Variants in TUBA3C observed in about 807,000 individuals in gnomAD.
TUBA3C encodes tubulin alpha 3c.
In TUBA3C, 23 loss-of-function variants were observed where a neutral mutation model predicts 33.4. The ratio of observed to expected loss-of-function variants is 0.69; its 90% CI spans 0.50 to 0.98. The LOEUF (loss-of-function observed/expected upper bound fraction) is 0.98. Ranked by LOEUF, TUBA3C falls within the 50% of genes least tolerant of loss-of-function variation. TUBA3C has a pLI of 0.00. For synonymous variants in TUBA3C, 269 were observed against 250.4 expected, an observed-to-expected ratio of 1.07 and a Z score of -0.70; for missense variants, 402 against 616.0, an observed-to-expected ratio of 0.65 and a Z score of 3.68.
At chr13:19,175,993 C>T (rs1462665805) in intron 4 of TUBA3C, among the ~76,000 whole-genome samples, 1 of 152,212 alleles carries the variant, frequency 6.6e-6, no homozygotes, top group Non-Finnish European at 1.5e-5. Context: ...ATCCGCCTGC[C>T]TTGGCCTCCC....
At position 19,181,802 on chromosome 13, in the gene TUBA3C, T is replaced by G. The variant is rs1439035195; in HGVS notation, c.-55A>C. The G allele has an allele frequency of 6.3e-7, 1 of 1,596,450 alleles. No homozygotes were observed. Among genetic ancestry groups the G allele is most frequent in the African/African-American group, 1.3e-5 (1 of 74,874 alleles). On this transcript the variant is annotated 5_prime_UTR_variant, in exon 1 of 5. Coordinates refer to ENST00000400113, the MANE Select transcript of TUBA3C (RefSeq NM_006001.3). Reference sequence around the variant, plus strand: ...GCTACTACTTGACCTCAACCGCCGCTGCAGCTGCGCACGCCCAACGACAGC... The same window carrying G: ...GCTACTACTTGACCTCAACCGCCGCGGCAGCTGCGCACGCCCAACGACAGC...
intron 4 of TUBA3C, among the ~76,000 whole-genome samples, chr13:19,175,414 G>C (rs969036959): frequency 6.6e-6 from 1 of 152,188 alleles, no homozygotes; most frequent in African/African-American, 2.4e-5. Flanking sequence ...TTTATCAATA[G>C]TTGGTTACTA....
intron 4 of TUBA3C, among the ~76,000 whole-genome samples, 171 bp downstream of exon 4, chr13:19,176,756 A>AAAAAAAAAAAAAC (rs1869196414): frequency 6.9e-6 from 1 of 144,648 alleles, no homozygotes; most frequent in Non-Finnish European, 1.5e-5. Context: ...AAAAAAAAAA[A>AAAAAAAAAAAAAC]AAAGACATCA....
rs36216111 is a variant in TUBA3C at position 19,176,802 on chromosome 13, C to A, written c.1056+125G>T. On this transcript the variant is annotated intron_variant, in intron 4 of 4. Transcript: ENST00000400113. ...GATCACTCTGGTTCACTAATTGATG[C>A]CCACATGCCTAGCCCATGGAATAGG... 4.1e-3 allele frequency: 3,711 copies of A among 911,810 alleles called. 78 individuals are homozygous for A. The African/African-American group carries it at 0.043, about 11-fold the overall frequency. 56.5% of individuals were successfully genotyped at this position (911,810 alleles called of 1,614,324 possible). A position where few individuals can be genotyped will look rare whatever the true frequency, so the allele number is the denominator to read the frequency against.
rs775855978 is a variant in TUBA3C at position 19,181,743 on chromosome 13, A to C, written c.3+2T>G. 6.2e-7 allele frequency: 1 copy of C among 1,602,356 alleles called. No individual in the cohort carries two copies. Among genetic ancestry groups the C allele is most frequent in the South Asian group, 1.1e-5 (1 of 91,054 alleles). ...TGCGGGGTGGGAGTGACCTGGCCTTACCATGTTGAGCTCCTCCGCTGCCGC... is the reference window on the plus strand; with the variant it reads ...TGCGGGGTGGGAGTGACCTGGCCTTCCCATGTTGAGCTCCTCCGCTGCCGC... On this transcript the variant is annotated splice_donor_variant, in intron 1 of 4. Coordinates refer to ENST00000400113, the MANE Select transcript of TUBA3C (RefSeq NM_006001.3). LOFTEE classifies it high-confidence loss of function.
intron 1 of TUBA3C, 142 bp from the exon 2 acceptor site, chr13:19,179,705 G>T: frequency 8.1e-7 from 1 of 1,235,122 alleles, no homozygotes; most frequent in Non-Finnish European, 1.1e-6. Context: ...GGAGGGTTAG[G>T]TGACTGACCC....
rs374292605 is a variant in TUBA3C at position 19,179,384 on chromosome 13, G to A, written c.183C>T (p.His61=). 1.9e-4 allele frequency: 302 copies of A among 1,613,986 alleles called. No individual in the cohort carries two copies. Among genetic ancestry groups the A allele is most frequent in the Middle Eastern group, 6.6e-4 (4 of 6,056 alleles). Residue 61 remains histidine, a synonymous_variant, in exon 2 of 5, where the codon CAC becomes CAT. Transcript: ENST00000400113. ...TFFSETGAGK[H]VPRAVFVDLE... ...GGTCCACAAACACTGCTCTGGGCAC[G>A]TGCTTGCCAGCTCCAGTCTCACTGA...
At chr13:19,176,447 A>G (rs930150395) in intron 4 of TUBA3C, among the ~76,000 whole-genome samples, 6 of 151,832 alleles carry the variant, frequency 4.0e-5, no homozygotes, top group Admixed American at 3.9e-4. Context: ...GTAATGACTT[A>G]GAAAGAGTTC....
chr13:19,178,151 A>G (rs9507572), intron 3 of TUBA3C, 95 bp downstream of exon 3: 84,885 of 1,544,176 alleles, frequency 0.055, 2,712 homozygotes, highest in Middle Eastern at 0.071. Flanking sequence ...CAGCCAACGC[A>G]CTGGTCTAGG....
intron 1 of TUBA3C, among the ~76,000 whole-genome samples, chr13:19,181,148 G>C (rs1869399998): frequency 6.6e-6 from 1 of 151,506 alleles, no homozygotes; most frequent in African/African-American, 2.4e-5. Context: ...GAAGTCCTGG[G>C]CTCAGCTGAC....
In TUBA3C at chr13:19,178,424, C is replaced by A. The variant is rs757637951; in HGVS notation, c.227-30G>T. 8.1e-6 allele frequency: 13 copies of A among 1,612,840 alleles called. 1 individual carries two copies. The South Asian group carries it at 1.3e-4, about 16-fold the overall frequency. The stretch of plus-strand genomic sequence containing the variant: ...AAAAGAGACCGTATGTACTGTGAAT[C>A]TTTAAGGCCTATACTCACCAAGATG... On this transcript the variant is annotated intron_variant, in intron 2 of 4. Transcript: ENST00000400113.
In TUBA3C at chr13:19,177,822, G is replaced by A. The variant is rs1869254131; in HGVS notation, c.376-215C>T. ...GACTAAGACCATTGCAGACGCAATAGGACTCAAGATACTGTTCTAAGTTGT... is the reference window on the plus strand; with the variant it reads ...GACTAAGACCATTGCAGACGCAATAAGACTCAAGATACTGTTCTAAGTTGT... On this transcript the variant is annotated intron_variant, in intron 3 of 4. Coordinates refer to ENST00000400113, the MANE Select transcript of TUBA3C (RefSeq NM_006001.3). This position sits in a 1 kb window ranked among gnomAD's most constrained non-coding sequence, Gnocchi z 5.0. Among the ~76,000 whole-genome samples, 2 of 150,438 alleles carry A rather than the reference G, an allele frequency of 1.3e-5. No homozygotes were observed. Among genetic ancestry groups the A allele is most frequent in the Non-Finnish European group, 1.5e-5 (1 of 67,752 alleles).
rs1013341336 is a variant in TUBA3C at position 19,181,820 on chromosome 13, A to G, written c.-73T>C. On this transcript the variant is annotated 5_prime_UTR_variant, in exon 1 of 5. Transcript: ENST00000400113. ...CCGCCGCTGCAGCTGCGCACGCCCA[A>G]CGACAGCCTCCCGCCGTGCGCTGTC... 5 of 1,583,640 alleles carry G rather than the reference A, an allele frequency of 3.2e-6. No homozygotes were observed. The highest frequency in any genetic ancestry group is 4.3e-6 in the Non-Finnish European group (5 of 1,168,728).
At position 19,181,744 on chromosome 13, in the gene TUBA3C, C is replaced by T; in HGVS notation, c.3+1G>A. 1.2e-6 allele frequency: 2 copies of T among 1,602,468 alleles called. No homozygotes were observed. The highest frequency in any genetic ancestry group is 8.5e-7 in the Non-Finnish European group (1 of 1,179,888). On this transcript the variant is annotated splice_donor_variant, in intron 1 of 4. Transcript: ENST00000400113. LOFTEE classifies it high-confidence loss of function. ...GCGGGGTGGGAGTGACCTGGCCTTA[C>T]CATGTTGAGCTCCTCCGCTGCCGCA... is the stretch of plus-strand genomic sequence containing the variant.
At position 19,173,850 on chromosome 13, in the gene TUBA3C, C is replaced by T. The variant is rs1421731084; in HGVS notation, c.*13G>A. On this transcript the variant is annotated 3_prime_UTR_variant, in exon 5 of 5. Transcript: ENST00000400113. Reference sequence around the variant, plus strand: ...GGGTGGCAGTGGAGTGGAGAACCCACCACACCCTCCCCTCAGTATTCTTCA... The same window carrying T: ...GGGTGGCAGTGGAGTGGAGAACCCATCACACCCTCCCCTCAGTATTCTTCA... The T allele has an allele frequency of 1.0e-5, 16 of 1,605,310 alleles. No individual in the cohort carries two copies. Among genetic ancestry groups the T allele is most frequent in the African/African-American group, 1.3e-5 (1 of 74,852 alleles).
chr13:19,177,422 G>A lies in TUBA3C; in HGVS notation c.561C>T (p.Ser187=). 1 of 1,614,150 alleles carries A rather than the reference G, an allele frequency of 6.2e-7. No individual in the cohort carries two copies. The highest frequency in any genetic ancestry group is 8.5e-7 in the Non-Finnish European group (1 of 1,180,042). Residue 187 remains serine (S), a synonymous_variant, in exon 4 of 5, where the codon TCC becomes TCT. Coordinates refer to ENST00000400113, the MANE Select transcript of TUBA3C (RefSeq NM_006001.3). The surrounding 1 kb of genome is among the most constrained non-coding windows in gnomAD (Gnocchi z 5.0). The part of the protein sequence containing the change: ...VSTAVVEPYN[S]ILTTHTTLEH... ...CCAGGGTCGTGTGGGTGGTCAGGAT[G>A]GAGTTGTAGGGCTCCACCACGGCCG... is the stretch of plus-strand genomic sequence containing the variant.
At chr13:19,180,658 A>G (rs112999697) in intron 1 of TUBA3C, among the ~76,000 whole-genome samples, 25 of 152,062 alleles carry the variant, frequency 1.6e-4, no homozygotes, top group African/African-American at 5.1e-4. Flanking sequence ...ACTATGCCCA[A>G]CTAATTTTTT....
chr13:19,175,905 G>A (rs9511909), intron 4 of TUBA3C, among the ~76,000 whole-genome samples: 6,327 of 152,084 alleles, frequency 0.042, 160 homozygotes, highest in Middle Eastern at 0.068. Context: ...CACCATACCC[G>A]GCTAATTTTT....
intron 1 of TUBA3C, 129 bp downstream of exon 1, chr13:19,181,615 CG>C: frequency 7.4e-7 from 1 of 1,343,496 alleles, no homozygotes; most frequent in Admixed American, 1.9e-5. Context: ...CCCTGGGCCC[CG>C]CATCCTTCTC....
Sources: gnomAD v4.1 joint callset for allele counts (sites outside exome capture counted in the v4.1 genomes callset) on GRCh38, gnomAD v4.1.1 for gene constraint, Gnocchi (gnomAD v3.1) non-coding constraint, MANE v1.5 for transcripts, NCBI Gene and HGNC (gene_info 2026-07-23, HGNC 2026-07-21) for gene names.